The following THADA variants were observed in gnomAD, a reference collection of about 807,000 sequenced individuals.
The protein encoded by THADA is tRNA (32-2'-O)-methyltransferase regulator THADA.
THADA carries 213 observed loss-of-function variants against 219.8 expected under a neutral mutation model. The ratio of observed to expected loss-of-function variants is 0.97; its 90% CI spans 0.87 to 1.09. THADA has a LOEUF of 1.09. Ranked by LOEUF, THADA falls within the 50% of genes least tolerant of loss-of-function variation. THADA has a pLI of 0.00. For missense variants in THADA, 2,956 were observed against 2,311.3 expected (o/e 1.28, Z -5.72); for synonymous variants, 1,018 against 828.9 (o/e 1.23, Z -3.92).
chr2:43,326,826 G>A (rs935508813), intron 30 of THADA, among the ~76,000 whole-genome samples: 4 of 152,170 alleles, frequency 2.6e-5, no homozygotes, highest in Non-Finnish European at 5.9e-5. Context: ...AAGAGAGAGG[G>A]AATTCACTTT....
chr2:43,243,526 C>T (rs1032670699), intron 36 of THADA, among the ~76,000 whole-genome samples: 5 of 152,096 alleles, frequency 3.3e-5, no homozygotes, highest in African/African-American at 7.2e-5. Context: ...TCTAGTACGC[C>T]GGTCTCTATT....
chr2:43,577,325 T>C, intron 9 of THADA, 83 bp from the exon 10 acceptor site: 1 of 1,101,584 alleles, frequency 9.1e-7, no homozygotes, highest in African/African-American at 1.6e-5. Flanking sequence ...CAAACATCTC[T>C]TTCCCCTGAA....
intron 29 of THADA, among the ~76,000 whole-genome samples, chr2:43,382,881 A>T (rs926185707): frequency 1.3e-5 from 2 of 152,188 alleles, no homozygotes; most frequent in African/African-American, 4.8e-5. Context: ...CTACCACATT[A>T]CTATACCACA....
chr2:43,384,527 AAC>A (rs1236789701), intron 29 of THADA, among the ~76,000 whole-genome samples: 5 of 152,258 alleles, frequency 3.3e-5, no homozygotes, highest in South Asian at 2.1e-4. Context: ...GTACATACTG[AAC>A]ACACATATTT....
intron 20 of THADA, among the ~76,000 whole-genome samples, chr2:43,543,912 T>C (rs1695661269): frequency 6.6e-6 from 1 of 152,016 alleles, no homozygotes; most frequent in African/African-American, 2.4e-5. Flanking sequence ...TTTGTTGCCA[T>C]TGCTTTTGGT....
rs1690838773 is a variant in THADA, at chr2:43,514,038, T to A, written c.3375-5258A>T. ...TGACACCACTAGACTCCAGTGTGGA[T>A]GACACAGTGAGACACTGTCCCTTAA... On this transcript the variant is annotated intron_variant, in intron 22 of 37. Coordinates refer to ENST00000405975, the MANE Select transcript of THADA (RefSeq NM_022065.5). 2.7e-5 allele frequency among the ~76,000 whole-genome samples: 4 copies of A among 147,510 alleles called. No homozygotes were observed. The Admixed American group carries it at 2.7e-4, about 10-fold the overall frequency.
chr2:43,452,428 C>T (rs887384511), intron 26 of THADA, among the ~76,000 whole-genome samples: 1 of 152,114 alleles, frequency 6.6e-6, no homozygotes, highest in Non-Finnish European at 1.5e-5. Flanking sequence ...CATCAAAATA[C>T]AGCTTGGAGG....
At chr2:43,590,675 A>C (rs1205614825) in intron 4 of THADA, 149 bp downstream of exon 4, 2 of 710,124 alleles carry the variant, frequency 2.8e-6, no homozygotes, top group Non-Finnish European at 4.4e-6. Context: ...AATAGTTGTA[A>C]CTAATCAATG....
intron 26 of THADA, among the ~76,000 whole-genome samples, chr2:43,438,989 G>T (rs1680507049): frequency 6.6e-6 from 1 of 152,170 alleles, no homozygotes; most frequent in South Asian, 2.1e-4. Context: ...TATCATGTGA[G>T]ATAAATTGCC....
chr2:43,496,554 T>A (rs1282268149), intron 25 of THADA, among the ~76,000 whole-genome samples: 1 of 152,154 alleles, frequency 6.6e-6, no homozygotes, highest in Non-Finnish European at 1.5e-5. Flanking sequence ...GACACATTTA[T>A]ACGCTCAGAG....
At chr2:43,327,166 G>A (rs1215367026) in intron 30 of THADA, among the ~76,000 whole-genome samples, 2 of 152,184 alleles carry the variant, frequency 1.3e-5, no homozygotes, top group African/African-American at 2.4e-5. Context: ...GTTTGAGCTG[G>A]TGAAAGAGAA....
intron 26 of THADA, among the ~76,000 whole-genome samples, chr2:43,474,817 T>C (rs1347852271): frequency 3.3e-5 from 5 of 152,172 alleles, no homozygotes; most frequent in Non-Finnish European, 7.3e-5. Flanking sequence ...ATTGTGTTTA[T>C]AGAGTGGAAA....
At chr2:43,397,400 T>G (rs1674203797) in intron 29 of THADA, among the ~76,000 whole-genome samples, 1 of 152,212 alleles carries the variant, frequency 6.6e-6, no homozygotes, top group Non-Finnish European at 1.5e-5. Context: ...TTCTCATTTA[T>G]TTTTTGTATG....
intron 31 of THADA, among the ~76,000 whole-genome samples, chr2:43,305,599 G>C (rs1482096952): frequency 6.6e-6 from 1 of 152,258 alleles, no homozygotes; most frequent in East Asian, 1.9e-4. Flanking sequence ...AGGAGGATGT[G>C]CTTCTGAGGA....
chr2:43,437,291 C>T (rs1478024871), intron 26 of THADA, among the ~76,000 whole-genome samples: 1 of 152,170 alleles, frequency 6.6e-6, no homozygotes, highest in Non-Finnish European at 1.5e-5. Flanking sequence ...TGTATAATCA[C>T]TAATACATTC....
At position 43,508,984 on chromosome 2, in the gene THADA, G is replaced by C. The variant is rs557211684; in HGVS notation, c.3375-204C>G. Reference sequence around the variant, plus strand: ...AAAGATTTCATTTCTAACAACTGCAGTGTTTAAAGCATGTGTCTTGTCTGC... The same window carrying C: ...AAAGATTTCATTTCTAACAACTGCACTGTTTAAAGCATGTGTCTTGTCTGC... On this transcript the variant is annotated intron_variant, in intron 22 of 37. Transcript: ENST00000405975. Among the ~76,000 whole-genome samples, 9 of 152,226 alleles carry C rather than the reference G, an allele frequency of 5.9e-5. No individual in the cohort carries two copies. The South Asian group carries it at 1.9e-3, about 32-fold the overall frequency.
intron 31 of THADA, among the ~76,000 whole-genome samples, chr2:43,317,779 C>T (rs184916687): frequency 2.0e-4 from 31 of 152,326 alleles, no homozygotes; most frequent in Admixed American, 1.2e-3. Context: ...AATACAAACA[C>T]ATCTAGCGAT....
chr2:43,304,673 A>AT (rs11387621), intron 31 of THADA, among the ~76,000 whole-genome samples: 38,449 of 140,302 alleles, frequency 0.27, 7,375 homozygotes, highest in African/African-American at 0.55. Flanking sequence ...AGCAGACTTC[A>AT]TTTTTTTTTT....
rs376879544 is a variant in THADA at position 43,577,079 on chromosome 2, C to T, written c.980G>A (p.Arg327Gln). ...MLDWQNGSMG[R>Q]SGEALLLDTA... ...ATCCAAGAGCAGGGCCTCCCCACTCCGACCCATGCTTCCGTTCTGCCAGTC... is the reference window on the plus strand; with the variant it reads ...ATCCAAGAGCAGGGCCTCCCCACTCTGACCCATGCTTCCGTTCTGCCAGTC... The change falls in exon 10 of 38, where the codon CGG becomes CAG. Residue 327 changes from arginine (R) to glutamine (Q), a missense_variant. Transcript: ENST00000405975. The T allele has an allele frequency of 4.4e-4, 714 of 1,613,540 alleles. 8 individuals are homozygous for T. The South Asian group carries it at 6.4e-3, about 14-fold the overall frequency.
Sources: allele counts gnomAD v4.1 joint callset (sites outside exome capture counted in the v4.1 genomes callset), GRCh38; gene constraint gnomAD v4.1.1; transcripts MANE v1.5; gene names NCBI Gene and HGNC (gene_info 2026-07-23, HGNC 2026-07-21).